The following OLFM1 variants were observed in gnomAD, a reference collection of about 807,000 sequenced individuals.
OLFM1 encodes the protein olfactomedin 1.
OLFM1 carries 9 observed loss-of-function variants against 49.7 expected under a neutral mutation model. The ratio of observed to expected loss-of-function variants is 0.18; its 90% confidence interval spans 0.11 to 0.32. OLFM1 has a LOEUF of 0.32. OLFM1 is among the 10% of genes least tolerant of loss of function. The pLI is 1.00. For missense variants in OLFM1, 369 were observed against 661.8 expected (o/e 0.56, Z 4.85); for synonymous variants, 240 against 271.8 (o/e 0.88, Z 1.15).
chr9:135,085,301 G>A (rs1830583463), upstream of OLFM1, among the ~76,000 whole-genome samples: 1 of 152,246 alleles, frequency 6.6e-6, no homozygotes, highest in African/African-American at 2.4e-5. Context: ...TGTGCGGACA[G>A]CCAGGGCTGC....
upstream of OLFM1, among the ~76,000 whole-genome samples, chr9:135,085,553 G>C (rs1564267445): frequency 6.6e-6 from 1 of 152,276 alleles, no homozygotes; most frequent in Non-Finnish European, 1.5e-5. Flanking sequence ...CAAAGCCCCA[G>C]TGCCACCAGG....
chr9:135,103,577 G>T (rs1422033228), intron 4 of OLFM1, among the ~76,000 whole-genome samples: 1 of 152,240 alleles, frequency 6.6e-6, no homozygotes, highest in African/African-American at 2.4e-5. Flanking sequence ...GAGCCAGTGG[G>T]GCCCATGCAG....
At position 135,091,459 on chromosome 9, in the gene OLFM1, TCACA is replaced by T. The variant is rs1180352070; in HGVS notation, c.300+1120_300+1123del. The stretch of plus-strand genomic sequence containing the variant: ...CACTCACACATAGTCACACACACAC[TCACA>T]CACAGTCACACACATTCACACATAG... On this transcript the variant is annotated intron_variant, in intron 2 of 5. Transcript: ENST00000371793. Among the ~76,000 whole-genome samples, 134 of 135,544 alleles carry T rather than the reference TCACA, an allele frequency of 9.9e-4. 1 individual carries two copies. Among genetic ancestry groups the T allele is most frequent in the African/African-American group, 3.4e-3 (121 of 36,070 alleles). The allele number at this position is 135,544 out of a possible 152,430, so 88.9% of individuals were successfully genotyped here.
At chr9:135,114,975 C>A (rs1472129827) in intron 5 of OLFM1, among the ~76,000 whole-genome samples, 1 of 152,156 alleles carries the variant, frequency 6.6e-6, no homozygotes, top group Non-Finnish European at 1.5e-5. Flanking sequence ...CCCACCCACC[C>A]CTGCTCTATG....
At chr9:135,101,310 C>T (rs1830867170) in intron 4 of OLFM1, among the ~76,000 whole-genome samples, 1 of 152,152 alleles carries the variant, frequency 6.6e-6, no homozygotes, top group South Asian at 2.1e-4. Context: ...AGTGTGACTG[C>T]AGGTTCCATG....
chr9:135,118,601 A>G (rs888164180), intron 5 of OLFM1, among the ~76,000 whole-genome samples: 5 of 141,348 alleles, frequency 3.5e-5, no homozygotes, highest in Non-Finnish European at 7.6e-5. Context: ...GGGTCTTTGG[A>G]AATGCTCACT....
At chr9:135,079,449 C>CA (rs200787362) in intron 1 of OLFM1, among the ~76,000 whole-genome samples, 3,088 of 152,086 alleles carry the variant, frequency 0.02, 86 homozygotes, top group African/African-American at 0.068. Flanking sequence ...ACTAAAAATA[C>CA]AAAAAATGAG....
At chr9:135,114,810 C>T (rs1177009489) in intron 5 of OLFM1, among the ~76,000 whole-genome samples, 1 of 152,106 alleles carries the variant, frequency 6.6e-6, no homozygotes, top group Non-Finnish European at 1.5e-5. Flanking sequence ...CAGGCCACAC[C>T]AGAGCTGCAG....
chr9:135,076,623 G>A (rs1015689222), intron 1 of OLFM1: 10 of 1,095,234 alleles, frequency 9.1e-6, no homozygotes, highest in Non-Finnish European at 1.1e-5. Context: ...GCCAGCCGAG[G>A]GAGCCGGGCT....
chr9:135,111,748 T>A (rs1162406167), intron 5 of OLFM1, among the ~76,000 whole-genome samples: 2 of 152,168 alleles, frequency 1.3e-5, no homozygotes, highest in African/African-American at 4.8e-5. Flanking sequence ...TCTTGCTCTG[T>A]CGTCAGACTG....
Position 135,087,782 on chromosome 9 carries a change from TG to T in OLFM1, c.-206del. The T allele has an allele frequency of 1.7e-6, 1 of 591,228 alleles. No homozygotes were observed. Among genetic ancestry groups the T allele is most frequent in the Non-Finnish European group, 2.1e-6 (1 of 472,868 alleles). The allele number at this position is 591,228 out of a possible 1,614,324, so 36.6% of individuals were successfully genotyped here. ...CAGGGCGCGGCGGGCAGAGGCCACC[TG>T]GCCACCTTCCCTGGCGCCCGGGGAA... On this transcript the variant is annotated 5_prime_UTR_variant, in exon 1 of 6. Transcript: ENST00000371793.
Position 135,120,001 on chromosome 9 carries a change from A to C in OLFM1, c.1281A>C (p.Ala427=), listed in dbSNP as rs956229703. ...GYSGGTKVHY[A]YQTNASTYEY... is the part of the protein sequence containing the mutation. Reference sequence around the variant, plus strand: ...CAGGGGGTACCAAGGTCCACTATGCATACCAGACCAATGCCTCCACCTATG... The same window carrying C: ...CAGGGGGTACCAAGGTCCACTATGCCTACCAGACCAATGCCTCCACCTATG... The change falls in exon 6 of 6, where the codon GCA becomes GCC. Residue 427 remains alanine (A), a synonymous_variant. Coordinates refer to ENST00000371793, the MANE Select transcript of OLFM1 (RefSeq NM_001282611.2). 3 of 1,613,768 alleles carry C rather than the reference A, an allele frequency of 1.9e-6. No individual in the cohort carries two copies. The African/African-American group carries it at 4.0e-5, about 22-fold the overall frequency.
Position 135,098,062 on chromosome 9 carries a change from T to A in OLFM1, c.457-224T>A. ...GTATGTGACTCAAAGCATGTAACCTTAAGATGTTGCATTCTAAACTGACAA... is the reference window on the plus strand; with the variant it reads ...GTATGTGACTCAAAGCATGTAACCTAAAGATGTTGCATTCTAAACTGACAA... On this transcript the variant is annotated intron_variant, in intron 3 of 5. Transcript: ENST00000371793. The surrounding 1 kb of genome is among the most constrained non-coding windows in gnomAD (Gnocchi z 5.6). 3 of 1,429,074 alleles carry A rather than the reference T, an allele frequency of 2.1e-6. No homozygotes were observed. The East Asian group carries it at 7.5e-5, about 36-fold the overall frequency. 88.5% of individuals were successfully genotyped at this position (1,429,074 alleles called of 1,614,324 possible). A position where few individuals can be genotyped will look rare whatever the true frequency, so the allele number is the denominator to read the frequency against.
upstream of OLFM1, among the ~76,000 whole-genome samples, chr9:135,085,437 C>T (rs1434512842): frequency 6.6e-6 from 1 of 152,232 alleles, no homozygotes; most frequent in Non-Finnish European, 1.5e-5. Context: ...ACCATATGAC[C>T]TTGGACAGGT....
At chr9:135,092,369 C>T (rs550570184) in intron 2 of OLFM1, among the ~76,000 whole-genome samples, 35 of 152,262 alleles carry the variant, frequency 2.3e-4, no homozygotes, top group African/African-American at 3.6e-4. Flanking sequence ...CATCATGGTA[C>T]GCAGGGCAAC....
chr9:135,107,590 C>T (rs1830963378), intron 5 of OLFM1, among the ~76,000 whole-genome samples: 1 of 152,112 alleles, frequency 6.6e-6, no homozygotes, highest in Non-Finnish European at 1.5e-5. Context: ...CCAAAGTGAG[C>T]ACCCTCTGAA....
rs1291690885 is a variant in OLFM1 at position 135,098,888 on chromosome 9, G to A, written c.676+383G>A. ...CGGATTGAGAACGGGGGCTGGTGGAGCTCCTGAAATATTGAATCATGCATA... is the reference window on the plus strand; with the variant it reads ...CGGATTGAGAACGGGGGCTGGTGGAACTCCTGAAATATTGAATCATGCATA... On this transcript the variant is annotated intron_variant, in intron 4 of 5. Transcript: ENST00000371793. The surrounding 1 kb of genome is among the most constrained non-coding windows in gnomAD (Gnocchi z 5.6). 6.6e-6 allele frequency among the ~76,000 whole-genome samples: 1 copy of A among 152,224 alleles called. No individual in the cohort carries two copies. The highest frequency in any genetic ancestry group is 1.5e-5 in the Non-Finnish European group (1 of 68,040).
chr9:135,079,230 G>T (rs1225459441), intron 1 of OLFM1, among the ~76,000 whole-genome samples: 1 of 152,170 alleles, frequency 6.6e-6, no homozygotes, highest in Non-Finnish European at 1.5e-5. Flanking sequence ...TGGGGAGTGA[G>T]TTCTGTTTTG....
intron 3 of OLFM1, among the ~76,000 whole-genome samples, chr9:135,097,515 C>T (rs112547213): frequency 3.3e-5 from 5 of 152,260 alleles, no homozygotes; most frequent in African/African-American, 7.2e-5. Context: ...GGCATCTCTC[C>T]GAGTTTCCAA....
Sources: allele counts gnomAD v4.1 joint callset (sites outside exome capture counted in the v4.1 genomes callset), GRCh38; gene constraint gnomAD v4.1.1; non-coding constraint Gnocchi (gnomAD v3.1); transcripts MANE v1.5; gene names NCBI Gene and HGNC (gene_info 2026-07-23, HGNC 2026-07-21).